Variants in SLCO4A1 observed in about 807,000 individuals in gnomAD.
The protein encoded by SLCO4A1 is solute carrier organic anion transporter family member 4A1, also known as colon organic anion transporter.
SLCO4A1 carries 51 observed loss-of-function variants against 64.6 expected under a neutral mutation model. That is an observed-to-expected ratio of 0.79 (90% CI 0.63 to 1.00). The LOEUF (loss-of-function observed/expected upper bound fraction) is 1.00, where lower values mean the gene tolerates loss of function less well. SLCO4A1 is among the 50% of genes least tolerant of loss of function. The pLI, the probability that SLCO4A1 is intolerant of heterozygous loss-of-function variation, is 0.00. For synonymous variants in SLCO4A1, 471 were observed against 444.9 expected (o/e 1.06, Z -0.74); for missense variants, 919 against 980.5 (o/e 0.94, Z 0.84).
chr20:62,646,042 A>AGTCCAG (rs893085570), intron 1 of SLCO4A1, among the ~76,000 whole-genome samples: 2 of 152,166 alleles, frequency 1.3e-5, no homozygotes, highest in African/African-American at 4.8e-5. Context: ...CTGGGAGGAG[A>AGTCCAG]GTGGCCCAGC....
chr20:62,689,115 C>T (rs2147121229), downstream of SLCO4A1, among the ~76,000 whole-genome samples: 2 of 152,340 alleles, frequency 1.3e-5, no homozygotes, highest in Non-Finnish European at 2.9e-5. Context: ...ATCTCCAAAC[C>T]CTCATCCCAT....
chr20:62,657,159 C>A lies in SLCO4A1; in HGVS notation c.705C>A (p.Phe235Leu). Residue 235 changes from phenylalanine to leucine, a missense_variant, in exon 2 of 12, where the codon TTC (phenylalanine) becomes TTA (leucine). Physicochemically the swap from Phe to Leu is conservative, Grantham distance 22. Coordinates refer to ENST00000217159, the MANE Select transcript of SLCO4A1 (RefSeq NM_016354.4). ...RYQLVFMLGQ[F>L]LHGVGATPLY... ...AGCTGGTCTTCATGCTGGGCCAGTT[C>A]CTGCATGGCGTGGGTGCCACACCCC... The A allele has an allele frequency of 6.4e-7, 1 of 1,559,226 alleles. No individual in the cohort carries two copies. Among genetic ancestry groups the A allele is most frequent in the Non-Finnish European group, 8.7e-7 (1 of 1,152,648 alleles).
In SLCO4A1 at chr20:62,654,900, C is replaced by T. The variant is rs13433258; in HGVS notation, c.-96-1459C>T. 3.1e-3 allele frequency among the ~76,000 whole-genome samples: 473 copies of T among 152,328 alleles called. 2 individuals carry two copies. Among genetic ancestry groups the T allele is most frequent in the African/African-American group, 0.011 (458 of 41,566 alleles). ...TGGTGTCTGCAAGGCCGGCCCCCCT[C>T]GGAGGCTGTGAGGGAAGGAGCTACT... On this transcript the variant is annotated intron_variant, in intron 1 of 11. Transcript: ENST00000217159.
At position 62,656,348 on chromosome 20, in the gene SLCO4A1, T is replaced by C. The variant is rs114217304; in HGVS notation, c.-96-11T>C. 2,756 of 963,480 alleles carry C rather than the reference T, an allele frequency of 2.9e-3. 49 individuals carry two copies. In the African/African-American group the frequency reaches 0.036, roughly 13 times the overall value. 59.7% of individuals were successfully genotyped at this position (963,480 alleles called of 1,614,324 possible). A position where few individuals can be genotyped will look rare whatever the true frequency, so the allele number is the denominator to read the frequency against. On this transcript the variant is annotated splice_polypyrimidine_tract_variant and intron_variant, in intron 1 of 11. Transcript: ENST00000217159. Reference sequence around the variant, plus strand: ...AGACGTGAGCTTGCTAACCAGACATTCTTCTCACAGGACACACCAGCCCCT... The same window carrying C: ...AGACGTGAGCTTGCTAACCAGACATCCTTCTCACAGGACACACCAGCCCCT...
chr20:62,650,231 A>G (rs1178487133), intron 1 of SLCO4A1: 2 of 152,264 alleles, frequency 1.3e-5, no homozygotes, highest in East Asian at 1.9e-4. Flanking sequence ...GCAGGTGTGC[A>G]TGTGTACACA....
downstream of SLCO4A1, among the ~76,000 whole-genome samples, chr20:62,674,912 G>A (rs989859028): frequency 6.6e-5 from 10 of 152,206 alleles, no homozygotes; most frequent in African/African-American, 1.2e-4. Flanking sequence ...CGTGGGCTTC[G>A]GGACTCCAGA....
intron 1 of SLCO4A1, among the ~76,000 whole-genome samples, chr20:62,653,243 G>A (rs1020907072): frequency 1.3e-5 from 2 of 152,204 alleles, no homozygotes; most frequent in African/African-American, 4.8e-5. Flanking sequence ...GGCAGAGGAC[G>A]TGGCGGGAGG....
chr20:62,680,405 G>C (rs974087356), intron 2 of SLCO4A1, among the ~76,000 whole-genome samples: 3 of 152,184 alleles, frequency 2.0e-5, no homozygotes, highest in African/African-American at 7.2e-5. Context: ...TGTCAAATGG[G>C]AACGGTGAGA....
intron 2 of SLCO4A1, among the ~76,000 whole-genome samples, chr20:62,683,578 G>T (rs911000430): frequency 3.9e-5 from 6 of 152,202 alleles, no homozygotes; most frequent in African/African-American, 1.2e-4. Context: ...GAGACCTATT[G>T]TTGGTGCACC....
Position 62,644,914 on chromosome 20 carries a change from G to A in SLCO4A1, c.-97+2361G>A, listed in dbSNP as rs1258599221. On this transcript the variant is annotated intron_variant, in intron 1 of 11. Transcript: ENST00000217159. This position sits in a 1 kb window ranked among gnomAD's most constrained non-coding sequence, Gnocchi z 5.4. ...AGGGAGCAGGGCCCTTGGAGCTCTG[G>A]GAGAGAGCCACGCCAGGCCAGCCCT... is the stretch of plus-strand genomic sequence containing the variant. 2.6e-5 allele frequency among the ~76,000 whole-genome samples: 4 copies of A among 152,220 alleles called. No homozygotes were observed. The highest frequency in any genetic ancestry group is 7.2e-5 in the African/African-American group (3 of 41,458).
In SLCO4A1 at chr20:62,668,585, C is replaced by T. The variant is rs746997030; in HGVS notation, c.1876+44C>T. The T allele has an allele frequency of 3.9e-5, 60 of 1,533,764 alleles. No homozygotes were observed. The South Asian group carries it at 6.3e-4, about 16-fold the overall frequency. On this transcript the variant is annotated intron_variant, in intron 10 of 11. Transcript: ENST00000217159. ...AAGCCATGGTCAGTTGCACAGTGTG[C>T]TCACTGCACAAGGGCATGGGCAAGT...
rs745333263 is a variant in SLCO4A1 at position 62,660,482 on chromosome 20, G to A, written c.958G>A (p.Ala320Thr). The change falls in exon 4 of 12, where the codon GCT becomes ACT. Residue 320 changes from alanine (A) to threonine (T), a missense_variant. Transcript: ENST00000217159. ...WWVGFLGSGAAAFFTAVPILG... is the reference protein window; with the variant it reads ...WWVGFLGSGATAFFTAVPILG... The stretch of plus-strand genomic sequence containing the variant: ...GGTCGGCTTCCTGGGCTCTGGGGCC[G>A]CTGCTTTCTTCACCGCCGTTCCCAT... The A allele has an allele frequency of 2.1e-5, 33 of 1,604,170 alleles. No homozygotes were observed. Among genetic ancestry groups the A allele is most frequent in the Admixed American group, 1.8e-4 (11 of 59,988 alleles).
chr20:62,679,314 C>T (rs998201801), intron 2 of SLCO4A1, among the ~76,000 whole-genome samples: 1 of 151,582 alleles, frequency 6.6e-6, no homozygotes, highest in East Asian at 1.9e-4. Flanking sequence ...TGTGTCCTGA[C>T]GGTGGACGTG....
At chr20:62,690,248 GAGACAGACAACCTCTGGGTGT>G (rs1988185165), downstream of SLCO4A1, among the ~76,000 whole-genome samples, 1 of 152,204 alleles carries the variant, frequency 6.6e-6, no homozygotes, top group African/African-American at 2.4e-5. Flanking sequence ...GGCCCACAGG[GAGACAGACAACCTCTGGGTGT>G]CCGACGTCTC....
At position 62,671,785 on chromosome 20, in the gene SLCO4A1, C is replaced by A; in HGVS notation, c.2061C>A (p.Phe687Leu). ...TCCTCTTCTTTGCCATAGCCTGCTTCTTATACAAGCCCCTGTCGGAGTCTT... is the reference window on the plus strand; with the variant it reads ...TCCTCTTCTTTGCCATAGCCTGCTTATTATACAAGCCCCTGTCGGAGTCTT... ...LGVLFFAIAC[F>L]LYKPLSESSD... Residue 687 changes from phenylalanine (F) to leucine (L), a missense_variant, in exon 12 of 12, where the codon TTC becomes TTA. By Grantham distance (22) the Phe-to-Leu change is conservative. Transcript: ENST00000217159. The A allele has an allele frequency of 1.9e-6, 3 of 1,613,716 alleles. No individual in the cohort carries two copies. The highest frequency in any genetic ancestry group is 2.5e-6 in the Non-Finnish European group (3 of 1,180,016).
rs747283988 is a variant in SLCO4A1, at chr20:62,658,715, G to A, written c.835G>A (p.Gly279Ser). 1.2e-5 allele frequency: 19 copies of A among 1,612,216 alleles called. No homozygotes were observed. Among genetic ancestry groups the A allele is most frequent in the Non-Finnish European group, 1.4e-5 (17 of 1,179,614 alleles). ...AGCGGCCATCCTGGGCCCAGCTGCC[G>A]GCTACCTGATTGGAGGTGCCCTGCT... ...YTAAILGPAA[G>S]YLIGGALLNI... is the part of the protein sequence containing the mutation. The change falls in exon 3 of 12, where the codon GGC becomes AGC. Residue 279 changes from glycine (G) to serine (S), a missense_variant. Coordinates refer to ENST00000217159, the MANE Select transcript of SLCO4A1 (RefSeq NM_016354.4).
chr20:62,645,575 A>G lies in SLCO4A1; in HGVS notation c.-97+3022A>G, dbSNP rs558368039. Among the ~76,000 whole-genome samples, 141 of 151,218 alleles carry G rather than the reference A, an allele frequency of 9.3e-4. No homozygotes were observed. The highest frequency in any genetic ancestry group is 3.2e-3 in the African/African-American group (133 of 41,272). ...GGTCTCCGGCTGTCTCCAACCCTTC[A>G]GTTCTTTTCAGTAGCCTCCTTCCCA... On this transcript the variant is annotated intron_variant, in intron 1 of 11. Transcript: ENST00000217159. The surrounding 1 kb of genome is among the most constrained non-coding windows in gnomAD (Gnocchi z 4.2).
intron 11 of SLCO4A1, among the ~76,000 whole-genome samples, chr20:62,671,144 C>T (rs1037153323): frequency 1.1e-4 from 16 of 152,328 alleles, no homozygotes; most frequent in Non-Finnish European, 1.9e-4. Flanking sequence ...ATGGTGGCAC[C>T]GGGGCTTGAA....
intron 2 of SLCO4A1, among the ~76,000 whole-genome samples, chr20:62,678,504 G>A (rs1987689252): frequency 6.6e-6 from 1 of 150,386 alleles, no homozygotes; most frequent in Non-Finnish European, 1.5e-5. Context: ...ACAAAATCTT[G>A]TACACAAATG....
Sources: gnomAD v4.1 joint callset for allele counts (sites outside exome capture counted in the v4.1 genomes callset) on GRCh38, gnomAD v4.1.1 for gene constraint, Gnocchi (gnomAD v3.1) non-coding constraint, MANE v1.5 for transcripts, NCBI Gene and HGNC (gene_info 2026-07-23, HGNC 2026-07-21) for gene names.